CABLES1: variants seen among roughly 807,000 people sequenced by gnomAD.
CABLES1 encodes CDK5 and ABL1 enzyme substrate 1.
CABLES1 carries 36 observed loss-of-function variants against 57.8 expected under a neutral mutation model. The ratio of observed to expected loss-of-function variants is 0.62; its 90% CI spans 0.48 to 0.82. The LOEUF (loss-of-function observed/expected upper bound fraction) is 0.82. Among genes scored for constraint, CABLES1 ranks in the 40% least tolerant of loss-of-function variants. The pLI, the probability that CABLES1 is intolerant of heterozygous loss-of-function variation, is 0.00. For missense variants in CABLES1, 767 were observed against 836.6 expected (o/e 0.92, Z 1.03); for synonymous variants, 374 against 363.0 (o/e 1.03, Z -0.35).
chr18:23,158,909 C>T (rs956448806), intron 1 of CABLES1, among the ~76,000 whole-genome samples: 2 of 152,210 alleles, frequency 1.3e-5, no homozygotes, highest in Non-Finnish European at 2.9e-5. Context: ...TCCTTTCCTT[C>T]TGCTACCTAG....
rs190929830 is a variant in CABLES1, at chr18:23,174,565, G to A, written c.846-14273G>A. On this transcript the variant is annotated intron_variant, in intron 1 of 9. Coordinates refer to ENST00000256925, the MANE Select transcript of CABLES1 (RefSeq NM_001100619.3). Reference sequence around the variant, plus strand: ...CAGTTCACTGCAAGCTCCACCTCCCGGGTTCACGCCATTCTCCTGCCTCAG... The same window carrying A: ...CAGTTCACTGCAAGCTCCACCTCCCAGGTTCACGCCATTCTCCTGCCTCAG... 5.5e-3 allele frequency among the ~76,000 whole-genome samples: 841 copies of A among 151,618 alleles called. 7 individuals carry two copies. Among genetic ancestry groups the A allele is most frequent in the East Asian group, 0.029 (152 of 5,154 alleles).
Position 23,144,922 on chromosome 18 carries a change from C to CT in CABLES1, c.845+8326dup, listed in dbSNP as rs201647173. Among the ~76,000 whole-genome samples, 307 of 146,498 alleles carry CT rather than the reference C, an allele frequency of 2.1e-3. 2 individuals are homozygous for CT. The East Asian group carries it at 0.035, about 17-fold the overall frequency. On this transcript the variant is annotated intron_variant, in intron 1 of 9. Transcript: ENST00000256925. ...TGCACCTAAGGCTTTACCACACATC[C>CT]TTTTTTTTTTTCTTTCTTTTTTTTT...
In CABLES1 at chr18:23,219,398, G is replaced by A. The variant is rs185115891; in HGVS notation, c.1088+5344G>A. On this transcript the variant is annotated intron_variant, in intron 4 of 9. Transcript: ENST00000256925. Reference sequence around the variant, plus strand: ...AGGATCCGATGTAGTGCCCAGCGAAGGCGATTCTTCAGTTAGACTTGGAAG... The same window carrying A: ...AGGATCCGATGTAGTGCCCAGCGAAAGCGATTCTTCAGTTAGACTTGGAAG... 5.8e-5 allele frequency: 26 copies of A among 449,254 alleles called. No homozygotes were observed. In the East Asian group the frequency reaches 1.7e-3, roughly 29 times the overall value. The allele number at this position is 449,254 out of a possible 1,614,324, so 27.8% of individuals were successfully genotyped here.
At chr18:23,203,570 G>T (rs1256902861) in intron 3 of CABLES1, among the ~76,000 whole-genome samples, 1 of 152,086 alleles carries the variant, frequency 6.6e-6, no homozygotes, top group Non-Finnish European at 1.5e-5. Context: ...GCCTTTCCTT[G>T]TTGCACCAAA....
At chr18:23,136,816 G>A (rs1426534108) in intron 1 of CABLES1, among the ~76,000 whole-genome samples, 1 of 152,262 alleles carries the variant, frequency 6.6e-6, no homozygotes, top group Non-Finnish European at 1.5e-5. Context: ...GTTTGCACGA[G>A]CCCAGCATTC....
chr18:23,259,278 C>G lies in CABLES1; in HGVS notation c.*1911C>G, dbSNP rs1170344678. On this transcript the variant is annotated 3_prime_UTR_variant, in exon 10 of 10. Coordinates refer to ENST00000256925, the MANE Select transcript of CABLES1 (RefSeq NM_001100619.3). Reference sequence around the variant, plus strand: ...TGGTATCTGAGAATGGTCTAGAGAGCTCCCCACTGCCCATCTGCCCCCGAA... The same window carrying G: ...TGGTATCTGAGAATGGTCTAGAGAGGTCCCCACTGCCCATCTGCCCCCGAA... The G allele has an allele frequency of 6.6e-6, 1 of 151,218 alleles. No individual in the cohort carries two copies. Among genetic ancestry groups the G allele is most frequent in the Admixed American group, 6.6e-5 (1 of 15,202 alleles). 9.4% of individuals were successfully genotyped at this position (151,218 alleles called of 1,614,324 possible).
intron 7 of CABLES1, among the ~76,000 whole-genome samples, chr18:23,246,583 G>A (rs1268077766): frequency 6.6e-6 from 1 of 151,802 alleles, no homozygotes; most frequent in African/African-American, 2.4e-5. Flanking sequence ...AGTAGAGATG[G>A]GGTTTCACCG....
chr18:23,193,383 G>T (rs2047259723), intron 2 of CABLES1, among the ~76,000 whole-genome samples: 1 of 151,992 alleles, frequency 6.6e-6, no homozygotes, highest in African/African-American at 2.4e-5. Flanking sequence ...GTAGAGACGG[G>T]GTTTCACCAT....
In CABLES1 at chr18:23,136,109, G is replaced by T. The variant is rs1214633132; in HGVS notation, c.347G>T (p.Arg116Leu). Residue 116 changes from arginine to leucine, a missense_variant, in exon 1 of 10, where the codon CGG becomes CTG. Arg to Leu is a moderately radical substitution (Grantham distance 102). Coordinates refer to ENST00000256925, the MANE Select transcript of CABLES1 (RefSeq NM_001100619.3). ...TRFSLLAAAE[R>L]GGCIALAAPG... ...TTCAGCTTGCTCGCCGCTGCCGAGC[G>T]GGGCGGCTGCATCGCGCTCGCCGCG... is the stretch of plus-strand genomic sequence containing the variant. 3.4e-6 allele frequency: 4 copies of T among 1,187,232 alleles called. No homozygotes were observed. The highest frequency in any genetic ancestry group is 1.0e-6 in the Non-Finnish European group (1 of 959,746). 73.5% of individuals were successfully genotyped at this position (1,187,232 alleles called of 1,614,324 possible).
In CABLES1 at chr18:23,253,840, C is replaced by G. The variant is rs777817062; in HGVS notation, c.1665C>G (p.Asn555Lys). The change falls in exon 9 of 10, where the codon AAC becomes AAG. Residue 555 changes from asparagine (N) to lysine (K), a missense_variant. Asn to Lys is a moderately conservative substitution (Grantham distance 94). Coordinates refer to ENST00000256925, the MANE Select transcript of CABLES1 (RefSeq NM_001100619.3). ...FEKLALKGKLNKQNRKLCAGA... is the reference protein window; with the variant it reads ...FEKLALKGKLKKQNRKLCAGA... ...AGCTCGCCCTCAAGGGGAAACTCAA[C>G]AAACAGAACCGGAAGCTGTGTGCTG... 1.9e-6 allele frequency: 3 copies of G among 1,614,252 alleles called. No individual in the cohort carries two copies. Among genetic ancestry groups the G allele is most frequent in the Non-Finnish European group, 2.5e-6 (3 of 1,180,048 alleles).
intron 1 of CABLES1, among the ~76,000 whole-genome samples, chr18:23,156,871 A>G (rs1369427364): frequency 1.3e-5 from 2 of 152,180 alleles, no homozygotes; most frequent in Admixed American, 6.5e-5. Context: ...GGACCCTTTT[A>G]AACAGTGAAA....
chr18:23,220,932 G>A (rs904621994), intron 4 of CABLES1, among the ~76,000 whole-genome samples: 3 of 152,162 alleles, frequency 2.0e-5, no homozygotes, highest in Non-Finnish European at 4.4e-5. Context: ...TTCTCCTGGT[G>A]TCTGTATGGT....
chr18:23,232,614 G>C (rs1026180543), intron 4 of CABLES1, among the ~76,000 whole-genome samples: 1 of 152,218 alleles, frequency 6.6e-6, no homozygotes, highest in East Asian at 1.9e-4. Flanking sequence ...GGTCTTGTGG[G>C]TGTGAACAGA....
At chr18:23,148,977 C>T (rs1244801706) in intron 1 of CABLES1, among the ~76,000 whole-genome samples, 1 of 152,040 alleles carries the variant, frequency 6.6e-6, no homozygotes. Flanking sequence ...GCAACCTCTG[C>T]CTCCCAGGTT....
intron 4 of CABLES1, among the ~76,000 whole-genome samples, chr18:23,222,548 ATATC>A (rs1029063387): frequency 4.1e-5 from 6 of 146,484 alleles, no homozygotes; most frequent in African/African-American, 1.5e-4. Context: ...CTCTCTATAT[ATATC>A]TATATATAGA....
Position 23,136,361 on chromosome 18 carries a change from C to A in CABLES1, c.599C>A (p.Ser200Tyr). The A allele has an allele frequency of 6.6e-7, 1 of 1,515,756 alleles. No individual in the cohort carries two copies. The highest frequency in any genetic ancestry group is 8.8e-7 in the Non-Finnish European group (1 of 1,133,266). 93.9% of individuals were successfully genotyped at this position (1,515,756 alleles called of 1,614,324 possible). Residue 200 changes from serine (S) to tyrosine (Y), a missense_variant, in exon 1 of 10, where the codon TCC becomes TAC. Ser to Tyr is a moderately radical substitution (Grantham distance 144, BLOSUM62 -2). This residue lies in a region of CABLES1 where 529 missense variants were observed against 622.8 expected (regional missense o/e 0.85). Transcript: ENST00000256925. ...GCCCAACTGCAGCTGCTCGACGGGTCCGGGGCCGCCGGGCAGGAGGAGTTG... is the reference window on the plus strand; with the variant it reads ...GCCCAACTGCAGCTGCTCGACGGGTACGGGGCCGCCGGGCAGGAGGAGTTG... Reference protein sequence around the residue: ...ACAQLQLLDGSGAAGQEELEE... With the variant: ...ACAQLQLLDGYGAAGQEELEE...
At chr18:23,159,589 C>G (rs1457620301) in intron 1 of CABLES1, among the ~76,000 whole-genome samples, 2 of 152,160 alleles carry the variant, frequency 1.3e-5, no homozygotes, top group Non-Finnish European at 2.9e-5. Context: ...ATTCTTTCTT[C>G]TGTGTCTGTG....
chr18:23,140,835 C>T (rs1369303019), intron 1 of CABLES1, among the ~76,000 whole-genome samples: 2 of 152,144 alleles, frequency 1.3e-5, no homozygotes, highest in African/African-American at 4.8e-5. Flanking sequence ...AGCCTTAAGT[C>T]CTGTGTTCAG....
chr18:23,144,658 C>T (rs934762524), intron 1 of CABLES1, among the ~76,000 whole-genome samples: 2 of 152,206 alleles, frequency 1.3e-5, no homozygotes, highest in Non-Finnish European at 2.9e-5. Flanking sequence ...TGTCTAAGGC[C>T]ACATAGCTGG....
Sources: gnomAD v4.1 joint callset for allele counts (sites outside exome capture counted in the v4.1 genomes callset) on GRCh38, gnomAD v4.1.1 for gene constraint, gnomAD v4.1.1 regional missense constraint, MANE v1.5 for transcripts, NCBI Gene and HGNC (gene_info 2026-07-23, HGNC 2026-07-21) for gene names.